The following RBFOX1 variants were observed in gnomAD, a reference collection of about 807,000 sequenced individuals.
The protein encoded by RBFOX1 is RNA binding fox-1 homolog 1, also known as RNA binding protein fox-1 homolog 1.
In RBFOX1, 8 loss-of-function variants were observed where a neutral mutation model predicts 57.7. That is an observed-to-expected ratio of 0.14 (90% CI 0.08 to 0.25). The LOEUF (loss-of-function observed/expected upper bound fraction) is 0.25. RBFOX1 is among the 10% of genes least tolerant of loss of function. RBFOX1 has a pLI of 1.00. For synonymous variants in RBFOX1, 326 were observed against 222.4 expected (o/e 1.47, Z -4.15); for missense variants, 611 against 548.5 (o/e 1.11, Z -1.14).
At chr16:5,308,776 T>A (rs1239994906) in intron 1 of RBFOX1, among the ~76,000 whole-genome samples, 2 of 152,112 alleles carry the variant, frequency 1.3e-5, no homozygotes, top group African/African-American at 4.8e-5. Flanking sequence ...ATTTGTCTTA[T>A]ATTAAGTATA....
intron 4 of RBFOX1, among the ~76,000 whole-genome samples, chr16:5,906,727 C>CTGTTTTTT (rs2058466289): frequency 1.4e-5 from 1 of 71,490 alleles, no homozygotes; most frequent in African/African-American, 5.4e-5. Flanking sequence ...ATCCTAGATT[C>CTGTTTTTT]TTTTTTTTTT....
intron 4 of RBFOX1, among the ~76,000 whole-genome samples, chr16:7,243,008 G>A (rs2094139965): frequency 6.6e-6 from 1 of 151,856 alleles, no homozygotes; most frequent in African/African-American, 2.4e-5. Context: ...TTGTTACTTG[G>A]ATTTTCAGGA....
intron 4 of RBFOX1, among the ~76,000 whole-genome samples, chr16:7,178,365 A>G (rs569688789): frequency 6.6e-6 from 1 of 152,304 alleles, no homozygotes; most frequent in Admixed American, 6.5e-5. Flanking sequence ...GTCACTAACA[A>G]TTTGGGCATA....
At chr16:6,066,425 A>T (rs2095764042) in intron 1 of RBFOX1, among the ~76,000 whole-genome samples, 1 of 152,124 alleles carries the variant, frequency 6.6e-6, no homozygotes, top group Non-Finnish European at 1.5e-5. Flanking sequence ...GAAAATGTAG[A>T]CATCAGAAGG....
chr16:5,855,589 T>C (rs1326279041), intron 3 of RBFOX1, among the ~76,000 whole-genome samples: 1 of 152,160 alleles, frequency 6.6e-6, no homozygotes, highest in Admixed American at 6.5e-5. Flanking sequence ...TTTATGTCTG[T>C]TTTTTGCTGC....
At chr16:5,273,494 C>T (rs1450617597) in intron 1 of RBFOX1, among the ~76,000 whole-genome samples, 2 of 152,182 alleles carry the variant, frequency 1.3e-5, no homozygotes, top group Non-Finnish European at 2.9e-5. Context: ...GCCCTTGCAT[C>T]ACCTCCCTGA....
intron 2 of RBFOX1, among the ~76,000 whole-genome samples, chr16:6,357,798 A>C (rs2087644476): frequency 6.6e-6 from 1 of 151,846 alleles, no homozygotes; most frequent in Non-Finnish European, 1.5e-5. Context: ...TAAAATTACA[A>C]AAATTAGCCG....
intron 4 of RBFOX1, among the ~76,000 whole-genome samples, chr16:7,352,010 G>A (rs1026802060): frequency 3.3e-5 from 5 of 152,274 alleles, no homozygotes; most frequent in African/African-American, 9.6e-5. Context: ...TGATTCGTGG[G>A]CTCAGTTCTT....
At chr16:7,230,346 C>T (rs1311218680) in intron 4 of RBFOX1, among the ~76,000 whole-genome samples, 1 of 152,090 alleles carries the variant, frequency 6.6e-6, no homozygotes. Flanking sequence ...TGTGTTGGGG[C>T]AGGGTCTGTT....
intron 2 of RBFOX1, among the ~76,000 whole-genome samples, chr16:6,436,809 C>A (rs762245707): frequency 2.0e-5 from 3 of 151,870 alleles, no homozygotes; most frequent in African/African-American, 7.3e-5. Context: ...AAATGGTACA[C>A]GTATATTGAA....
intron 1 of RBFOX1, among the ~76,000 whole-genome samples, chr16:5,344,964 G>T (rs535692205): frequency 1.3e-5 from 2 of 152,076 alleles, no homozygotes; most frequent in Admixed American, 6.5e-5. Flanking sequence ...CTTCTTTCCC[G>T]CAGTGTCTGG....
At chr16:6,109,740 T>A (rs1181941900) in intron 1 of RBFOX1, among the ~76,000 whole-genome samples, 1 of 152,204 alleles carries the variant, frequency 6.6e-6, no homozygotes, top group Middle Eastern at 3.2e-3. Flanking sequence ...ATCAGTATTA[T>A]TAAAATTTAA....
chr16:6,640,099 C>G (rs1192831564), intron 2 of RBFOX1, among the ~76,000 whole-genome samples: 1 of 152,092 alleles, frequency 6.6e-6, no homozygotes, highest in African/African-American at 2.4e-5. Context: ...GTGGTAGAGT[C>G]AGGATTTTAA....
intron 2 of RBFOX1, among the ~76,000 whole-genome samples, chr16:6,581,535 G>A (rs1042472889): frequency 8.5e-5 from 13 of 152,286 alleles, no homozygotes; most frequent in East Asian, 1.9e-4. Context: ...GAAGCAAACC[G>A]TAGGTGAGTG....
In RBFOX1 at chr16:7,097,595, C is replaced by T. The variant is rs180737165; in HGVS notation, c.27+45497C>T. On this transcript the variant is annotated intron_variant, in intron 4 of 15. Coordinates refer to ENST00000550418, the MANE Select transcript of RBFOX1 (RefSeq NM_018723.4). ...CTGCCTCAAATAATCAAATTCCATC[C>T]AATTAGATGCTGTTGCCACTCATAA... is the stretch of plus-strand genomic sequence containing the variant. Among the ~76,000 whole-genome samples the T allele has an allele frequency of 1.1e-4, 17 of 152,254 alleles. No homozygotes were observed. In the East Asian group the frequency reaches 2.7e-3, roughly 24 times the overall value.
chr16:5,547,264 G>T (rs2045248491), intron 2 of RBFOX1, among the ~76,000 whole-genome samples: 1 of 152,198 alleles, frequency 6.6e-6, no homozygotes, highest in African/African-American at 2.4e-5. Context: ...ATTTATCCAT[G>T]AGAAAAGGCA....
intron 3 of RBFOX1, among the ~76,000 whole-genome samples, chr16:7,023,478 A>G (rs995047442): frequency 1.3e-5 from 2 of 148,948 alleles, no homozygotes; most frequent in Non-Finnish European, 3.0e-5. Context: ...AAAGAGAGAA[A>G]TGAATGATGG....
intron 14 of RBFOX1, among the ~76,000 whole-genome samples, chr16:7,679,714 C>A (rs1468940064): frequency 6.6e-6 from 1 of 151,918 alleles, no homozygotes. Context: ...TTAATGGGCA[C>A]CTTGCAACTC....
intron 4 of RBFOX1, among the ~76,000 whole-genome samples, chr16:7,414,290 C>T (rs537416359): frequency 3.3e-5 from 5 of 152,162 alleles, no homozygotes; most frequent in Non-Finnish European, 7.3e-5. Context: ...ACACAAGGAA[C>T]TCTATGTTCA....
Sources: allele counts gnomAD v4.1 joint callset (sites outside exome capture counted in the v4.1 genomes callset), GRCh38; gene constraint gnomAD v4.1.1; transcripts MANE v1.5; gene names NCBI Gene and HGNC (gene_info 2026-07-23, HGNC 2026-07-21).